Variants in NXN observed in about 807,000 individuals in gnomAD.
NXN encodes the protein nucleoredoxin 1.
NXN carries 16 observed loss-of-function variants against 48.6 expected under a neutral mutation model. The observed-to-expected ratio is 0.33, with a 90% confidence interval of 0.22 to 0.50. The LOEUF is 0.50. Ranked by LOEUF, NXN falls within the 20% of genes least tolerant of loss-of-function variation. The probability of loss-of-function intolerance (pLI) is 0.98; values close to 1 mark genes in which losing one functional copy is unlikely to be tolerated. For synonymous variants in NXN, 281 were observed against 269.6 expected (o/e 1.04, Z -0.41); for missense variants, 492 against 605.5 (o/e 0.81, Z 1.97).
rs140108657 is a variant in NXN, at chr17:833,486, C to T, written c.361-7408G>A. ...ATGATCAGCAAGATTCACCTCTGCA[C>T]CCTTTCAAGTGTGAGGGGCCCCTCG... On this transcript the variant is annotated intron_variant, in intron 1 of 7. Coordinates refer to ENST00000336868, the MANE Select transcript of NXN (RefSeq NM_022463.5). Among the ~76,000 whole-genome samples the T allele has an allele frequency of 6.5e-4, 99 of 152,276 alleles. 1 individual carries two copies. The East Asian group carries it at 0.017, about 27-fold the overall frequency.
chr17:823,758 C>T lies in NXN; in HGVS notation c.486G>A (p.Glu162=), dbSNP rs1912944440. 9.3e-6 allele frequency: 15 copies of T among 1,614,146 alleles called. No individual in the cohort carries two copies. Among genetic ancestry groups the T allele is most frequent in the African/African-American group, 2.7e-5 (2 of 75,038 alleles). ...LVIRDDPEGL[E]FPWGPKPFRE... Reference sequence around the variant, plus strand: ...TGAAGGGTTTCGGTCCCCAGGGGAACTCCAGACCTGAAACAGAAAACAGAT... The same window carrying T: ...TGAAGGGTTTCGGTCCCCAGGGGAATTCCAGACCTGAAACAGAAAACAGAT... The change falls in exon 3 of 8, where the codon GAG becomes GAA. Residue 162 remains glutamate (E), a synonymous_variant. Coordinates refer to ENST00000336868, the MANE Select transcript of NXN (RefSeq NM_022463.5).
chr17:822,575 C>G, intron 3 of NXN, 118 bp from the exon 4 acceptor site: 1 of 676,176 alleles, frequency 1.5e-6, no homozygotes, highest in Non-Finnish European at 2.6e-6. Context: ...AAATCCCGTT[C>G]ATGAAAGGGG....
Position 800,857 on chromosome 17 carries a change from G to A in NXN, c.*92C>T, listed in dbSNP as rs73975532. 6.0e-4 allele frequency: 508 copies of A among 852,478 alleles called. 3 individuals are homozygous for A. In the African/African-American group the frequency reaches 8.2e-3, roughly 14 times the overall value. The allele number at this position is 852,478 out of a possible 1,614,324, so 52.8% of individuals were successfully genotyped here. Reference sequence around the variant, plus strand: ...GCTGGACACTTGGGTGGTGGGATTCGGGGCACGCTGGGTAAGTCCAAGGGC... The same window carrying A: ...GCTGGACACTTGGGTGGTGGGATTCAGGGCACGCTGGGTAAGTCCAAGGGC... On this transcript the variant is annotated 3_prime_UTR_variant, in exon 8 of 8. Coordinates refer to ENST00000336868, the MANE Select transcript of NXN (RefSeq NM_022463.5).
chr17:904,391 C>T (rs1263787682), intron 1 of NXN, among the ~76,000 whole-genome samples: 1 of 152,024 alleles, frequency 6.6e-6, no homozygotes, highest in Non-Finnish European at 1.5e-5. Flanking sequence ...TCGGAAAAAG[C>T]TTATAAAACA....
In NXN at chr17:917,700, G is replaced by A. The variant is rs989249980; in HGVS notation, c.360+61619C>T. ...GCAGGCGAGCTTCCCTACCCAATCC[G>A]ACCTCCTAGACGGACACCCCAGGTT... On this transcript the variant is annotated intron_variant, in intron 1 of 7. Coordinates refer to ENST00000336868, the MANE Select transcript of NXN (RefSeq NM_022463.5). The surrounding 1 kb of genome is among the most constrained non-coding windows in gnomAD (Gnocchi z 4.5). Among the ~76,000 whole-genome samples the A allele has an allele frequency of 1.8e-4, 28 of 152,152 alleles. No individual in the cohort carries two copies. The highest frequency in any genetic ancestry group is 6.3e-4 in the African/African-American group (26 of 41,434).
intron 1 of NXN, among the ~76,000 whole-genome samples, chr17:866,176 G>A (rs768925267): frequency 6.6e-6 from 1 of 152,118 alleles, no homozygotes; most frequent in Non-Finnish European, 1.5e-5. Flanking sequence ...GGAAGAGACT[G>A]GCAAGATATT....
chr17:910,507 C>A (rs2068625910), intron 1 of NXN, among the ~76,000 whole-genome samples: 1 of 151,698 alleles, frequency 6.6e-6, no homozygotes. Context: ...GCTCTCAATG[C>A]ATAATATTGT....
In NXN at chr17:970,671, A is replaced by G. The variant is rs372509083; in HGVS notation, c.360+8648T>C. Among the ~76,000 whole-genome samples the G allele has an allele frequency of 1.2e-3, 180 of 152,326 alleles. 1 individual carries two copies. The highest frequency in any genetic ancestry group is 4.2e-3 in the African/African-American group (174 of 41,596). On this transcript the variant is annotated intron_variant, in intron 1 of 7. Coordinates refer to ENST00000336868, the MANE Select transcript of NXN (RefSeq NM_022463.5). ...TGATGTGAGTATTTTTTAAGGTACA[A>G]TTCCGTGAACAGAAAGGACCAAGTT...
rs554199637 is a variant in NXN, at chr17:928,874, C to T, written c.360+50445G>A. 4.6e-5 allele frequency among the ~76,000 whole-genome samples: 7 copies of T among 152,156 alleles called. No homozygotes were observed. The South Asian group carries it at 1.2e-3, about 27-fold the overall frequency. ...GGAAATAAAAGATACTGGAGAATACCGCTCACATGTGCAGATATCAAGAAG... is the reference window on the plus strand; with the variant it reads ...GGAAATAAAAGATACTGGAGAATACTGCTCACATGTGCAGATATCAAGAAG... On this transcript the variant is annotated intron_variant, in intron 1 of 7. Transcript: ENST00000336868.
At chr17:938,840 A>C (rs2150603679) in intron 1 of NXN, among the ~76,000 whole-genome samples, 1 of 152,236 alleles carries the variant, frequency 6.6e-6, no homozygotes, top group African/African-American at 2.4e-5. Flanking sequence ...CGGGCGGATC[A>C]CTTGAGGCCA....
chr17:889,771 A>C (rs553776890), intron 1 of NXN, among the ~76,000 whole-genome samples: 2 of 149,682 alleles, frequency 1.3e-5, no homozygotes, highest in Non-Finnish European at 3.0e-5. Flanking sequence ...AAAAGAAAGA[A>C]AGAAAAGAGA....
intron 6 of NXN, 172 bp from the exon 7 acceptor site, chr17:803,978 T>G (rs983572410): frequency 2.9e-5 from 22 of 760,192 alleles, no homozygotes; most frequent in Non-Finnish European, 4.2e-5. Flanking sequence ...CATGGGTGTG[T>G]GTGCACATGC....
At chr17:968,289 C>T (rs2069330603) in intron 1 of NXN, among the ~76,000 whole-genome samples, 1 of 152,182 alleles carries the variant, frequency 6.6e-6, no homozygotes, top group Non-Finnish European at 1.5e-5. Context: ...TATTAAGAGA[C>T]ATATGCACAG....
chr17:879,427 T>C (rs2068259358), intron 1 of NXN, among the ~76,000 whole-genome samples: 1 of 151,390 alleles, frequency 6.6e-6, no homozygotes, highest in Non-Finnish European at 1.5e-5. Context: ...GTAGCTCAGA[T>C]TACAGGCGCC....
chr17:973,772 C>G (rs975295696), intron 1 of NXN, among the ~76,000 whole-genome samples: 1 of 151,866 alleles, frequency 6.6e-6, no homozygotes, highest in Admixed American at 6.6e-5. Flanking sequence ...CTCCACCTCT[C>G]GGGTTCAAGC....
At chr17:870,846 C>T (rs1255563926) in intron 1 of NXN, among the ~76,000 whole-genome samples, 1 of 150,476 alleles carries the variant, frequency 6.6e-6, no homozygotes, top group African/African-American at 2.5e-5. Context: ...GTGCTACATG[C>T]TTTTATTTAT....
At chr17:884,256 G>A (rs1335758157) in intron 1 of NXN, among the ~76,000 whole-genome samples, 5 of 123,276 alleles carry the variant, frequency 4.1e-5, no homozygotes, top group Non-Finnish European at 7.0e-5. Flanking sequence ...ATAATAAAAC[G>A]AAGCTGTGTG....
intron 1 of NXN, among the ~76,000 whole-genome samples, chr17:886,407 C>A (rs2068348182): frequency 6.6e-6 from 1 of 152,166 alleles, no homozygotes; most frequent in African/African-American, 2.4e-5. Flanking sequence ...AAGATAGATT[C>A]TGCTGGACAC....
intron 5 of NXN, among the ~76,000 whole-genome samples, chr17:816,941 C>A (rs1225635294): frequency 6.6e-6 from 1 of 152,188 alleles, no homozygotes; most frequent in African/African-American, 2.4e-5. Context: ...TGCAGAGGGC[C>A]AGGCAGGAGT....
Sources: gnomAD v4.1 joint callset for allele counts (sites outside exome capture counted in the v4.1 genomes callset) on GRCh38, gnomAD v4.1.1 for gene constraint, Gnocchi (gnomAD v3.1) non-coding constraint, MANE v1.5 for transcripts, NCBI Gene and HGNC (gene_info 2026-07-23, HGNC 2026-07-21) for gene names.